RNASEH2B: variants seen among roughly 807,000 people sequenced by gnomAD.
RNASEH2B encodes ribonuclease H2 subunit B.
In RNASEH2B, 36 loss-of-function variants were observed where a neutral mutation model predicts 45.0. The ratio of observed to expected loss-of-function variants is 0.80; its 90% CI spans 0.61 to 1.06. The LOEUF is 1.06. Ranked by LOEUF, RNASEH2B falls within the 50% of genes least tolerant of loss-of-function variation. RNASEH2B has a pLI of 0.00. For missense variants in RNASEH2B, 361 were observed against 360.3 expected (o/e 1.00, Z -0.02); for synonymous variants, 119 against 125.7 (o/e 0.95, Z 0.35).
chr13:50,960,540 T>C (rs1952101667), downstream of RNASEH2B, among the ~76,000 whole-genome samples: 1 of 152,184 alleles, frequency 6.6e-6, no homozygotes, highest in South Asian at 2.1e-4. Context: ...TGGTGTTGGT[T>C]GTTATCAGAA....
chr13:50,926,635 A>T (rs1951600508), intron 1 of RNASEH2B, among the ~76,000 whole-genome samples: 1 of 152,180 alleles, frequency 6.6e-6, no homozygotes, highest in Non-Finnish European at 1.5e-5. Flanking sequence ...ATAATTTCTA[A>T]ATATTAAATG....
At chr13:50,941,926 A>AC (rs1265168138) in intron 5 of RNASEH2B, 5 of 152,606 alleles carry the variant, frequency 3.3e-5, no homozygotes, top group African/African-American at 1.2e-4. Flanking sequence ...AGCATTGACA[A>AC]CCATAGGCTG....
intron 1 of RNASEH2B, among the ~76,000 whole-genome samples, chr13:50,923,777 C>G (rs1422285856): frequency 6.6e-6 from 1 of 152,042 alleles, no homozygotes. Context: ...AACATAAAAG[C>G]ACAAATATAT....
intron 9 of RNASEH2B, among the ~76,000 whole-genome samples, chr13:50,969,103 C>CA: frequency 6.6e-6 from 1 of 152,138 alleles, no homozygotes; most frequent in Non-Finnish European, 1.5e-5. Context: ...AGAGGAAATG[C>CA]GGATATCAAC....
At chr13:50,952,019 G>A (rs546369204) in intron 9 of RNASEH2B, 1 of 152,250 alleles carries the variant, frequency 6.6e-6, no homozygotes, top group African/African-American at 2.4e-5. Context: ...AACCTCATCA[G>A]TTCAGTGGCA....
chr13:50,910,003 C>T lies in RNASEH2B; in HGVS notation c.-74C>T, dbSNP rs1259183209. On this transcript the variant is annotated 5_prime_UTR_variant, in exon 1 of 11. Transcript: ENST00000336617. ...CGCCACCCGGAACAGACCCTTCTCC[C>T]GCCATTTTCGGCGGGGCTGGGAGAC... 2.3e-6 allele frequency: 3 copies of T among 1,328,006 alleles called. No homozygotes were observed. The East Asian group carries it at 9.2e-5, about 41-fold the overall frequency. The allele number at this position is 1,328,006 out of a possible 1,614,324, so 82.3% of individuals were successfully genotyped here.
intron 4 of RNASEH2B, chr13:50,933,786 T>C (rs573591722): frequency 6.6e-6 from 1 of 152,326 alleles, no homozygotes; most frequent in African/African-American, 2.4e-5. Context: ...TTTAAGATAT[T>C]GATTGATCAT....
chr13:50,943,456 A>G (rs1951858904), intron 6 of RNASEH2B, 62 bp downstream of exon 6: 4 of 1,160,780 alleles, frequency 3.4e-6, no homozygotes, highest in Non-Finnish European at 3.9e-6. Flanking sequence ...AGAAATTTTC[A>G]GAGAAGGCAG....
intron 1 of RNASEH2B, among the ~76,000 whole-genome samples, chr13:50,925,958 G>T (rs1179150355): frequency 6.6e-6 from 1 of 152,140 alleles, no homozygotes; most frequent in Non-Finnish European, 1.5e-5. Context: ...AAAGCAGTAA[G>T]CTGGGCAATC....
chr13:50,916,937 C>G (rs1879777940), intron 1 of RNASEH2B, among the ~76,000 whole-genome samples: 1 of 152,170 alleles, frequency 6.6e-6, no homozygotes, highest in Non-Finnish European at 1.5e-5. Flanking sequence ...GGGTTTCTGC[C>G]TCTCTGAGTG....
chr13:50,923,685 A>G (rs1951553660), intron 1 of RNASEH2B, among the ~76,000 whole-genome samples: 1 of 152,248 alleles, frequency 6.6e-6, no homozygotes, highest in Admixed American at 6.5e-5. Context: ...GGAGTCCTTC[A>G]GATTGAAAGG....
chr13:50,970,021 G>A (rs899691075), exon 10 of RNASEH2B: 3 of 1,513,174 alleles, frequency 2.0e-6, no homozygotes, highest in Non-Finnish European at 2.7e-6. Context: ...GACACTCCCA[G>A]AGGACTCGGA....
downstream of RNASEH2B, chr13:50,960,027 T>A: frequency 2.6e-6 from 1 of 387,618 alleles, no homozygotes; most frequent in South Asian, 1.3e-4. Context: ...GTTACTCAAG[T>A]CTTAAGAATA....
downstream of RNASEH2B, among the ~76,000 whole-genome samples, chr13:50,958,336 A>G (rs1221847463): frequency 6.6e-6 from 1 of 152,150 alleles, no homozygotes; most frequent in African/African-American, 2.4e-5. Context: ...AGCATCATTT[A>G]TTGAACAGGG....
At chr13:50,960,574 G>A (rs1952101946), downstream of RNASEH2B, among the ~76,000 whole-genome samples, 2 of 152,070 alleles carry the variant, frequency 1.3e-5, no homozygotes, top group African/African-American at 4.8e-5. Context: ...CTATTGAGGT[G>A]TCTATAAAGT....
intron 1 of RNASEH2B, chr13:50,912,213 C>T (rs1027344155): frequency 6.6e-6 from 1 of 152,242 alleles, no homozygotes; most frequent in African/African-American, 2.4e-5. Context: ...TTTAGCGCCA[C>T]CTGCAGGCTC....
chr13:50,927,411 T>A lies in RNASEH2B; in HGVS notation c.69T>A (p.Tyr23Ter), dbSNP rs778329909. Residue 23 changes from tyrosine (Y) to a stop codon, truncating the protein, a stop_gained, in exon 2 of 11, where the codon TAT becomes TAA. Transcript: ENST00000336617. LOFTEE classifies it high-confidence loss of function. ...ARQHVFLVSE[Y>*]LKDASKKMKN... ...ATATTCACGGTTTATTTTCAGAATA[T>A]TTAAAAGATGCTTCAAAGAAGATGA... The A allele has an allele frequency of 6.4e-7, 1 of 1,574,760 alleles. No homozygotes were observed. The highest frequency in any genetic ancestry group is 8.7e-7 in the Non-Finnish European group (1 of 1,144,308).
rs747995413 is a variant in RNASEH2B, at chr13:50,948,029, T to C, written c.659T>C (p.Ile220Thr). 5.6e-6 allele frequency: 9 copies of C among 1,611,480 alleles called. No homozygotes were observed. The Admixed American group carries it at 1.3e-4, about 24-fold the overall frequency. Residue 220 changes from isoleucine (I) to threonine (T), a missense_variant, in exon 8 of 11, where the codon ATC (isoleucine) becomes ACC (threonine). Physicochemically the swap from Ile to Thr is moderately conservative, Grantham distance 89. Coordinates refer to ENST00000336617, the MANE Select transcript of RNASEH2B (RefSeq NM_024570.4). ...RYAHGLISDY[I>T]PKELSDDLSK... ...GCCCATGGTCTGATATCTGACTACATCCCTAAAGAATTAAGTGATGACTTA... is the reference window on the plus strand; with the variant it reads ...GCCCATGGTCTGATATCTGACTACACCCCTAAAGAATTAAGTGATGACTTA...
At chr13:50,926,082 TTTG>T (rs145991274) in intron 1 of RNASEH2B, among the ~76,000 whole-genome samples, 6,296 of 152,142 alleles carry the variant, frequency 0.041, 430 homozygotes, top group African/African-American at 0.14. Context: ...TTTGTGGGTT[TTTG>T]TTGTTGTTGT....
Sources: gnomAD v4.1 joint callset for allele counts (sites outside exome capture counted in the v4.1 genomes callset) on GRCh38, gnomAD v4.1.1 for gene constraint, MANE v1.5 for transcripts, NCBI Gene and HGNC (gene_info 2026-07-23, HGNC 2026-07-21) for gene names.